CCR5AS: variants seen among roughly 807,000 people sequenced by gnomAD.
The protein encoded by CCR5AS is CCR5 antisense RNA.
At chr3:46,395,171 T>C (rs1472640139) in intron 1 of CCR5AS, among the ~76,000 whole-genome samples, 1 of 152,132 alleles carries the variant, frequency 6.6e-6, no homozygotes, top group Non-Finnish European at 1.5e-5. Context: ...TGATCAAGGC[T>C]TGGGTCTTGG....
In CCR5AS at chr3:46,386,562, GA is replaced by G. The variant is rs573805692; in HGVS notation, n.391+6262del. On this transcript the variant is annotated intron_variant and non_coding_transcript_variant, in intron 2 of 3. Coordinates refer to ENST00000451485, the Ensembl canonical transcript of CCR5AS. The stretch of plus-strand genomic sequence containing the variant: ...GACAGCCAGCCAAATCCAGAATATA[GA>G]AAGTTCTACAGGAAAAGGTGGGGCC... Among the ~76,000 whole-genome samples, 88 of 152,196 alleles carry G rather than the reference GA, an allele frequency of 5.8e-4. 1 individual carries two copies. In the South Asian group the frequency reaches 0.018, roughly 31 times the overall value.
At chr3:46,395,287 G>C (rs1457436930) in intron 1 of CCR5AS, among the ~76,000 whole-genome samples, 1 of 152,134 alleles carries the variant, frequency 6.6e-6, no homozygotes, top group Non-Finnish European at 1.5e-5. Flanking sequence ...GCAGTGTCAG[G>C]GGAAGCTGGA....
intron 1 of CCR5AS, among the ~76,000 whole-genome samples, chr3:46,402,501 T>A (rs1465340207): frequency 2.0e-5 from 3 of 152,254 alleles, no homozygotes; most frequent in Non-Finnish European, 4.4e-5. Context: ...AAACTTATAA[T>A]GGCTATTATG....
At chr3:46,399,459 G>A (rs1575288100) in intron 1 of CCR5AS, among the ~76,000 whole-genome samples, 1 of 152,226 alleles carries the variant, frequency 6.6e-6, no homozygotes, top group African/African-American at 2.4e-5. Context: ...CTGCCTGGAA[G>A]AGGGGGAGAA....
At chr3:46,401,111 C>T (rs989867291) in intron 1 of CCR5AS, among the ~76,000 whole-genome samples, 1 of 151,962 alleles carries the variant, frequency 6.6e-6, no homozygotes, top group Admixed American at 6.5e-5. Flanking sequence ...AAGCACAAAT[C>T]AAAGAACGAG....
intron 1 of CCR5AS, among the ~76,000 whole-genome samples, chr3:46,397,461 G>A (rs188541213): frequency 1.3e-5 from 2 of 152,210 alleles, no homozygotes; most frequent in Admixed American, 6.5e-5. Flanking sequence ...TTTGGACAAG[G>A]TATAGGGAGG....
At chr3:46,394,355 G>A (rs1192907105) in intron 1 of CCR5AS, among the ~76,000 whole-genome samples, 2 of 152,140 alleles carry the variant, frequency 1.3e-5, no homozygotes, top group Non-Finnish European at 2.9e-5. Context: ...GCTGCTACAG[G>A]CTCCTGGCAG....
chr3:46,367,204 TATC>T (rs71619642), intron 3 of CCR5AS, among the ~76,000 whole-genome samples: 8,611 of 152,170 alleles, frequency 0.057, 388 homozygotes, highest in South Asian at 0.2. Flanking sequence ...GGATGTTCCT[TATC>T]ATCTTGATCC....
chr3:46,395,018 C>T (rs1372983970), intron 1 of CCR5AS, among the ~76,000 whole-genome samples: 2 of 152,034 alleles, frequency 1.3e-5, no homozygotes, highest in Non-Finnish European at 2.9e-5. Flanking sequence ...TGGAGGAGAG[C>T]CCCTAGGTGG....
intron 2 of CCR5AS, among the ~76,000 whole-genome samples, chr3:46,382,932 G>A (rs1701828292): frequency 6.6e-6 from 1 of 152,202 alleles, no homozygotes; most frequent in African/African-American, 2.4e-5. Context: ...TTACAGGTTT[G>A]TTCAGAGGAT....
chr3:46,395,919 T>G (rs1701958566), intron 1 of CCR5AS, among the ~76,000 whole-genome samples: 1 of 152,188 alleles, frequency 6.6e-6, no homozygotes, highest in African/African-American at 2.4e-5. Context: ...ATGTAGGAGC[T>G]GGCTCCAGTC....
chr3:46,370,264 A>C (rs145751198), intron 3 of CCR5AS, among the ~76,000 whole-genome samples: 76 of 152,264 alleles, frequency 5.0e-4, no homozygotes, highest in African/African-American at 1.8e-3. Flanking sequence ...GAAAATCCCC[A>C]CTAAGATCCT....
chr3:46,373,117 T>TGGC (rs1559568002), intron 2 of CCR5AS: 27 of 1,614,066 alleles, frequency 1.7e-5, no homozygotes, highest in Non-Finnish European at 2.1e-5. Context: ...CTGCTCAACC[T>TGGC]GGCCATCTCT....
chr3:46,390,363 G>C (rs1487449433), intron 2 of CCR5AS, among the ~76,000 whole-genome samples: 1 of 152,186 alleles, frequency 6.6e-6, no homozygotes, highest in Non-Finnish European at 1.5e-5. Flanking sequence ...ACAAGACGAA[G>C]ATCCTGAACA....
chr3:46,366,649 C>T (rs755549531), intron 3 of CCR5AS, among the ~76,000 whole-genome samples: 3 of 152,168 alleles, frequency 2.0e-5, no homozygotes, highest in Non-Finnish European at 4.4e-5. Context: ...GAAAGGTCTA[C>T]AGGACAGAGG....
intron 2 of CCR5AS, chr3:46,373,202 G>A: frequency 6.2e-7 from 1 of 1,614,180 alleles, no homozygotes; most frequent in East Asian, 2.2e-5. Flanking sequence ...GAAATACAAT[G>A]TGTCAACTCT....
chr3:46,388,169 G>A (rs111980985), intron 2 of CCR5AS, among the ~76,000 whole-genome samples: 2 of 152,282 alleles, frequency 1.3e-5, no homozygotes, highest in Admixed American at 6.5e-5. Context: ...ACAAAATAGT[G>A]ATGAAATGTT....
chr3:46,379,515 T>C (rs1256675121), intron 2 of CCR5AS, among the ~76,000 whole-genome samples: 7 of 152,110 alleles, frequency 4.6e-5, no homozygotes, highest in Non-Finnish European at 1.0e-4. Context: ...GCTTGCAGAA[T>C]CCAATTAACA....
intron 2 of CCR5AS, among the ~76,000 whole-genome samples, chr3:46,377,968 G>A (rs1253561485): frequency 1.3e-5 from 2 of 152,036 alleles, no homozygotes; most frequent in Non-Finnish European, 2.9e-5. Flanking sequence ...GCCTCCCACC[G>A]AAGTGCTGGG....
Sources: allele counts gnomAD v4.1 joint callset (sites outside exome capture counted in the v4.1 genomes callset), GRCh38; gene constraint gnomAD v4.1.1; transcripts MANE v1.5; gene names NCBI Gene and HGNC (gene_info 2026-07-23, HGNC 2026-07-21).